The following RECK variants were observed in gnomAD, a reference collection of about 807,000 sequenced individuals.
RECK encodes the protein reversion inducing cysteine rich protein with kazal motifs, also known as reversion-inducing cysteine-rich protein with Kazal motifs.
A neutral mutation model predicts 115.1 loss-of-function variants in RECK; 69 were observed. The ratio of observed to expected loss-of-function variants is 0.60; its 90% CI spans 0.49 to 0.73. The LOEUF (loss-of-function observed/expected upper bound fraction) is 0.73. RECK is among the 30% of genes least tolerant of loss of function. RECK has a pLI of 0.00. For missense variants in RECK, 1,047 were observed against 1,203.7 expected (o/e 0.87, Z 1.93); for synonymous variants, 414 against 419.7 (o/e 0.99, Z 0.17).
intron 12 of RECK, among the ~76,000 whole-genome samples, chr9:36,103,045 C>CA (rs568710437): frequency 3.2e-3 from 493 of 152,268 alleles, no homozygotes; most frequent in African/African-American, 0.012. Context: ...ATACTCCCGC[C>CA]AAAAGCTAGA....
chr9:36,066,873 AAG>A (rs1235895281), intron 6 of RECK: 21 of 1,275,640 alleles, frequency 1.6e-5, no homozygotes, highest in Non-Finnish European at 1.9e-5. Context: ...CAGGAAAGGT[AAG>A]AGAGACAAAC....
At position 36,039,495 on chromosome 9, in the gene RECK, A is replaced by C. The variant is rs1427868271; in HGVS notation, c.100+2397A>C. 2.0e-5 allele frequency among the ~76,000 whole-genome samples: 3 copies of C among 152,312 alleles called. No homozygotes were observed. In the East Asian group the frequency reaches 5.8e-4, roughly 29 times the overall value. ...GACCCCCTCTATTATACAACTTTGC[A>C]AATCTTATTACCTTGATTATTCCTA... On this transcript the variant is annotated intron_variant, in intron 1 of 20. Coordinates refer to ENST00000377966, the MANE Select transcript of RECK (RefSeq NM_021111.3).
chr9:36,091,165 GA>G lies in RECK; in HGVS notation c.909del (p.Glu303AspfsTer9). The G allele has an allele frequency of 4.3e-6, 7 of 1,613,532 alleles. No homozygotes were observed. Among genetic ancestry groups the G allele is most frequent in the Non-Finnish European group, 5.9e-6 (7 of 1,179,776 alleles). On this transcript the variant is annotated frameshift_variant and splice_region_variant, in exon 10 of 21. Coordinates refer to ENST00000377966, the MANE Select transcript of RECK (RefSeq NM_021111.3). LOFTEE classifies it high-confidence loss of function. ...TCTGCATTTGTGCTCTTGTTTCAGG[GA>G]ACTCTGCACTAAACTTTACAGCATG... is the stretch of plus-strand genomic sequence containing the variant. ...CSKANTSTCR[E>X]LCTKLYSMSW... is the part of the protein sequence containing the mutation.
intron 16 of RECK, among the ~76,000 whole-genome samples, chr9:36,113,123 A>G (rs1362422295): frequency 1.3e-5 from 2 of 152,202 alleles, no homozygotes; most frequent in African/African-American, 4.8e-5. Context: ...AGCTCAGAAG[A>G]CAGTTGCCCC....
intron 10 of RECK, among the ~76,000 whole-genome samples, chr9:36,091,998 G>A (rs750879024): frequency 5.9e-5 from 9 of 152,170 alleles, no homozygotes; most frequent in African/African-American, 9.7e-5. Context: ...AGGGCAAAAG[G>A]GAAGAGAATC....
chr9:36,065,375 C>T (rs1283621640), intron 5 of RECK, among the ~76,000 whole-genome samples: 1 of 151,896 alleles, frequency 6.6e-6, no homozygotes, highest in Non-Finnish European at 1.5e-5. Context: ...TTGAGTAGCC[C>T]TACAGATTAT....
rs1824537439 is a variant in RECK at position 36,123,498 on chromosome 9, G to T, written c.*453G>T. On this transcript the variant is annotated 3_prime_UTR_variant, in exon 21 of 21. Coordinates refer to ENST00000377966, the MANE Select transcript of RECK (RefSeq NM_021111.3). ...TTACCTACTCTGGCTAGAAGCTAGG[G>T]GTCCCAGTGAAGAGCCACTGCCATT... 6.5e-6 allele frequency: 1 copy of T among 153,286 alleles called. No individual in the cohort carries two copies. Among genetic ancestry groups the T allele is most frequent in the South Asian group, 2.1e-4 (1 of 4,858 alleles). 9.5% of individuals were successfully genotyped at this position (153,286 alleles called of 1,614,324 possible).
At chr9:36,106,416 G>C (rs1291627384) in intron 13 of RECK, among the ~76,000 whole-genome samples, 1 of 151,340 alleles carries the variant, frequency 6.6e-6, no homozygotes, top group Non-Finnish European at 1.5e-5. Flanking sequence ...TGCATTTTTA[G>C]TAGAGACAGC....
chr9:36,110,114 C>G (rs769509898), intron 15 of RECK, 35 bp downstream of exon 15: 1 of 1,565,130 alleles, frequency 6.4e-7, no homozygotes, highest in Admixed American at 1.7e-5. Context: ...TCCTCAGGGG[C>G]CATCATTTCT....
chr9:36,118,689 G>C, intron 17 of RECK, 68 bp from the exon 18 acceptor site: 1 of 1,443,496 alleles, frequency 6.9e-7, no homozygotes, highest in African/African-American at 1.4e-5. Context: ...GAGGCATGCT[G>C]TGTACTCTTG....
chr9:36,102,972 TTA>T (rs1230046235), intron 12 of RECK, among the ~76,000 whole-genome samples: 2 of 145,446 alleles, frequency 1.4e-5, no homozygotes, highest in Non-Finnish European at 3.0e-5. Context: ...AAAAAAAAAA[TTA>T]TAGTCTAGCT....
intron 5 of RECK, 60 bp downstream of exon 5, chr9:36,063,940 A>T: frequency 6.5e-7 from 1 of 1,530,522 alleles, no homozygotes. Flanking sequence ...TTAGCTGTGC[A>T]CATGTCTTGG....
chr9:36,052,815 A>G (rs765918249), intron 2 of RECK, among the ~76,000 whole-genome samples: 8 of 152,192 alleles, frequency 5.3e-5, no homozygotes, highest in African/African-American at 1.2e-4. Context: ...ACAAAATGCA[A>G]TTTGTGATCC....
At position 36,094,620 on chromosome 9, in the gene RECK, G is replaced by A. The variant is rs1823270755; in HGVS notation, c.1085+3277G>A. Among the ~76,000 whole-genome samples the A allele has an allele frequency of 6.6e-6, 1 of 152,010 alleles. No homozygotes were observed. The highest frequency in any genetic ancestry group is 1.5e-5 in the Non-Finnish European group (1 of 67,964). ...CAACTGTATCAATAATTACATAAAC[G>A]TAAATGAACTAAAAACATCGATTGA... On this transcript the variant is annotated intron_variant, in intron 10 of 20. Transcript: ENST00000377966. The surrounding 1 kb of genome is among the most constrained non-coding windows in gnomAD (Gnocchi z 4.1).
chr9:36,061,513 T>G (rs1821766405), intron 4 of RECK, among the ~76,000 whole-genome samples: 1 of 151,518 alleles, frequency 6.6e-6, no homozygotes, highest in Non-Finnish European at 1.5e-5. Context: ...ATAGCCCACA[T>G]AACACCTAAC....
At chr9:36,043,802 T>A (rs1421066302) in intron 1 of RECK, among the ~76,000 whole-genome samples, 1 of 152,210 alleles carries the variant, frequency 6.6e-6, no homozygotes, top group Non-Finnish European at 1.5e-5. Context: ...ACGTTTTCAT[T>A]TGTTTTGTCG....
At chr9:36,057,555 T>C (rs761114634) in intron 2 of RECK, among the ~76,000 whole-genome samples, 1 of 152,244 alleles carries the variant, frequency 6.6e-6, no homozygotes, top group Non-Finnish European at 1.5e-5. Context: ...CGGAGGCTCA[T>C]GCGTGTGGTC....
Position 36,036,921 on chromosome 9 carries a change from G to GGCGGCGGTA in RECK, c.-70_-62dup, listed in dbSNP as rs1254558587. On this transcript the variant is annotated 5_prime_UTR_variant, in exon 1 of 21. Coordinates refer to ENST00000377966, the MANE Select transcript of RECK (RefSeq NM_021111.3). ...GCTGGGGGCGGGGCCTCGCGCGAGC[G>GGCGGCGGTA]GCGGCGGTAGCGGCGGCAGCGGCTG... 26 of 945,922 alleles carry GGCGGCGGTA rather than the reference G, an allele frequency of 2.7e-5. No individual in the cohort carries two copies. Among genetic ancestry groups the GGCGGCGGTA allele is most frequent in the Admixed American group, 4.5e-5 (1 of 22,234 alleles). The allele number at this position is 945,922 out of a possible 1,614,324, so 58.6% of individuals were successfully genotyped here.
intron 1 of RECK, among the ~76,000 whole-genome samples, chr9:36,051,271 C>T (rs561952484): frequency 6.6e-6 from 1 of 152,284 alleles, no homozygotes; most frequent in South Asian, 2.1e-4. Flanking sequence ...CATTAGCTCT[C>T]TACTGCTCTT....
Sources: gnomAD v4.1 joint callset for allele counts (sites outside exome capture counted in the v4.1 genomes callset) on GRCh38, gnomAD v4.1.1 for gene constraint, Gnocchi (gnomAD v3.1) non-coding constraint, MANE v1.5 for transcripts, NCBI Gene and HGNC (gene_info 2026-07-23, HGNC 2026-07-21) for gene names.